Variants in PUM2 observed in about 807,000 individuals in gnomAD.
PUM2 encodes pumilio homolog 2.
PUM2 carries 57 observed loss-of-function variants against 124.5 expected under a neutral mutation model. The ratio of observed to expected loss-of-function variants is 0.46; its 90% CI spans 0.37 to 0.57. The LOEUF is 0.57. PUM2 is among the 20% of genes least tolerant of loss of function. The pLI is 0.00. For synonymous variants in PUM2, 460 were observed against 446.1 expected (o/e 1.03, Z -0.39); for missense variants, 1,065 against 1,290.6 (o/e 0.83, Z 2.68).
rs1348619665 is a variant in PUM2 at position 20,250,606 on chromosome 2, A to G, written c.*979T>C. On this transcript the variant is annotated 3_prime_UTR_variant, in exon 21 of 21. Transcript: ENST00000361078. ...ATAGAAAGCAAAAAGAGCTATCTGA[A>G]TATGTAATCATGCTTAAATGCTGAG... 6.6e-6 allele frequency: 1 copy of G among 152,206 alleles called. No homozygotes were observed. Among genetic ancestry groups the G allele is most frequent in the East Asian group, 1.9e-4 (1 of 5,198 alleles). 9.4% of individuals were successfully genotyped at this position (152,206 alleles called of 1,614,324 possible). A position where few individuals can be genotyped will look rare whatever the true frequency, so the allele number is the denominator to read the frequency against.
At chr2:20,258,404 G>T in intron 15 of PUM2, 33 bp from the exon 16 acceptor site, 2 of 1,602,690 alleles carry the variant, frequency 1.2e-6, no homozygotes, top group South Asian at 2.2e-5. Context: ...AATAACAAGT[G>T]ACCTTAATAT....
At chr2:20,341,503 A>T (rs1340955159) in intron 1 of PUM2, among the ~76,000 whole-genome samples, 1 of 152,218 alleles carries the variant, frequency 6.6e-6, no homozygotes, top group Non-Finnish European at 1.5e-5. Context: ...GTATGACTAC[A>T]TATGTTTGTG....
Position 20,350,760 on chromosome 2 carries a change from C to G in PUM2, c.-182G>C. 2 of 979,988 alleles carry G rather than the reference C, an allele frequency of 2.0e-6. No individual in the cohort carries two copies. The highest frequency in any genetic ancestry group is 2.4e-6 in the Non-Finnish European group (2 of 826,628). 60.7% of individuals were successfully genotyped at this position (979,988 alleles called of 1,614,324 possible). A position where few individuals can be genotyped will look rare whatever the true frequency, so the allele number is the denominator to read the frequency against. On this transcript the variant is annotated 5_prime_UTR_variant, in exon 1 of 21. Coordinates refer to ENST00000361078, the MANE Select transcript of PUM2 (RefSeq NM_015317.5). ...CACCCCACCTCCTCCTTCTCCTCCC[C>G]CTCCTCCTCCGAACCACCGAAGTAC... is the stretch of plus-strand genomic sequence containing the variant.
chr2:20,262,030 G>A (rs1180015048), intron 14 of PUM2, among the ~76,000 whole-genome samples: 2 of 152,152 alleles, frequency 1.3e-5, no homozygotes, highest in Non-Finnish European at 2.9e-5. Context: ...AGGAGGTTGA[G>A]GTTGCAGTGA....
At chr2:20,297,360 T>C (rs1283188073) in intron 8 of PUM2, among the ~76,000 whole-genome samples, 193 bp downstream of exon 8, 1 of 152,240 alleles carries the variant, frequency 6.6e-6, no homozygotes, top group Admixed American at 6.5e-5. Context: ...GAAAAGTTAT[T>C]GCTTAAGCTT....
At chr2:20,333,701 C>G (rs148395667) in intron 1 of PUM2, among the ~76,000 whole-genome samples, 2 of 152,132 alleles carry the variant, frequency 1.3e-5, no homozygotes, top group South Asian at 2.1e-4. Flanking sequence ...TCACTTGAGC[C>G]CAGGAGTTCA....
intron 1 of PUM2, among the ~76,000 whole-genome samples, chr2:20,336,560 A>C (rs1019114750): frequency 1.3e-5 from 2 of 151,728 alleles, no homozygotes; most frequent in African/African-American, 4.8e-5. Context: ...TCTGTTGCCC[A>C]AGATGGAGCA....
intron 3 of PUM2, among the ~76,000 whole-genome samples, chr2:20,315,323 T>C (rs1486381614): frequency 6.6e-6 from 1 of 152,010 alleles, no homozygotes; most frequent in East Asian, 1.9e-4. Flanking sequence ...TAATCACAAG[T>C]AATGTGGTTC....
chr2:20,266,062 A>G (rs1029530073), intron 13 of PUM2, among the ~76,000 whole-genome samples: 2 of 152,176 alleles, frequency 1.3e-5, no homozygotes, highest in Non-Finnish European at 2.9e-5. Flanking sequence ...ATCGTATACA[A>G]TATCTAATAA....
chr2:20,300,959 T>C (rs1388200663), intron 7 of PUM2, among the ~76,000 whole-genome samples: 1 of 152,178 alleles, frequency 6.6e-6, no homozygotes, highest in Non-Finnish European at 1.5e-5. Flanking sequence ...TTCCCGTAAA[T>C]TGTGCATTCA....
At chr2:20,258,692 GC>G (rs2148486156) in intron 15 of PUM2, among the ~76,000 whole-genome samples, 1 of 113,740 alleles carries the variant, frequency 8.8e-6, no homozygotes, top group South Asian at 2.9e-4. Flanking sequence ...ACGGAGTCTC[GC>G]TCTGTCGCCC....
At chr2:20,323,206 T>A (rs1207071583) in intron 2 of PUM2, among the ~76,000 whole-genome samples, 1 of 152,296 alleles carries the variant, frequency 6.6e-6, no homozygotes, top group African/African-American at 2.4e-5. Context: ...CCTAGCACTT[T>A]GGGAGGCCGA....
chr2:20,285,850 T>C (rs192572892), intron 10 of PUM2, among the ~76,000 whole-genome samples: 15 of 152,248 alleles, frequency 9.9e-5, no homozygotes, highest in East Asian at 7.7e-4. Flanking sequence ...ATAGAAGTTA[T>C]TGGGCAGTGA....
intron 2 of PUM2, among the ~76,000 whole-genome samples, chr2:20,324,622 T>C (rs1432562251): frequency 6.6e-6 from 1 of 152,200 alleles, no homozygotes; most frequent in East Asian, 1.9e-4. Flanking sequence ...TCCTATAGAT[T>C]AGTTTTGCTC....
In PUM2 at chr2:20,290,053, G is replaced by A. The variant is rs1190298994; in HGVS notation, c.1291+599C>T. On this transcript the variant is annotated intron_variant, in intron 10 of 20. Transcript: ENST00000361078. The stretch of plus-strand genomic sequence containing the variant: ...AACCGTTCTTCCTCCATTATTATTA[G>A]TGATCATTTCACAAAAAAGTACTTT... Among the ~76,000 whole-genome samples the A allele has an allele frequency of 5.3e-5, 8 of 152,040 alleles. 1 individual carries two copies. The East Asian group carries it at 1.5e-3, about 29-fold the overall frequency.
intron 2 of PUM2, 64 bp downstream of exon 2, chr2:20,327,246 A>T: frequency 8.1e-7 from 1 of 1,231,046 alleles, no homozygotes; most frequent in South Asian, 1.3e-5. Context: ...TTAAAAAAAA[A>T]AAATAAGTTA....
chr2:20,264,351 AAAAAAAAAAAAAAAAAATATATATATAT>A (rs2148593389), intron 13 of PUM2, among the ~76,000 whole-genome samples: 1 of 69,880 alleles, frequency 1.4e-5, no homozygotes, highest in African/African-American at 5.8e-5. Context: ...AAAAAAAAAA[AAAAAAAAAAAAAAAAAATATATATATAT>A]ATATATATAT....
At chr2:20,331,721 T>C (rs538355781) in intron 1 of PUM2, 2 of 152,290 alleles carry the variant, frequency 1.3e-5, no homozygotes, top group Admixed American at 1.3e-4. Flanking sequence ...CTTTACCTTT[T>C]TTGCTTACTT....
chr2:20,278,153 G>A (rs1386476953), intron 13 of PUM2, among the ~76,000 whole-genome samples: 1 of 152,096 alleles, frequency 6.6e-6, no homozygotes, highest in Non-Finnish European at 1.5e-5. Flanking sequence ...CTGGTAAAAT[G>A]GCCAGGCATA....
Sources: allele counts gnomAD v4.1 joint callset (sites outside exome capture counted in the v4.1 genomes callset), GRCh38; gene constraint gnomAD v4.1.1; transcripts MANE v1.5; gene names NCBI Gene and HGNC (gene_info 2026-07-23, HGNC 2026-07-21).